Variants in NKAIN3 observed in about 807,000 individuals in gnomAD.
NKAIN3 encodes sodium/potassium transporting ATPase interacting 3, also known as sodium/potassium-transporting ATPase subunit beta-1-interacting protein 3.
In NKAIN3, 25 loss-of-function variants were observed where a neutral mutation model predicts 30.2. That is an observed-to-expected ratio of 0.83 (90% confidence interval 0.60 to 1.16). The LOEUF is 1.16. Among genes scored for constraint, NKAIN3 ranks in the 50% most tolerant of loss-of-function variants. The pLI, the probability that NKAIN3 is intolerant of heterozygous loss-of-function variation, is 0.00. For synonymous variants in NKAIN3, 91 were observed against 89.6 expected (o/e 1.02, Z -0.09); for missense variants, 225 against 254.1 (o/e 0.89, Z 0.78).
intron 4 of NKAIN3, among the ~76,000 whole-genome samples, chr8:62,774,885 C>T (rs1298004783): frequency 6.6e-6 from 1 of 151,984 alleles, no homozygotes; most frequent in Non-Finnish European, 1.5e-5. Context: ...ATGTTTTTGC[C>T]TGGTTTTAGT....
chr8:62,904,860 C>T (rs968087578), intron 4 of NKAIN3, among the ~76,000 whole-genome samples: 1 of 152,120 alleles, frequency 6.6e-6, no homozygotes, highest in Non-Finnish European at 1.5e-5. Context: ...GTATAATCAC[C>T]ATGCGAAATG....
At chr8:62,547,581 C>CA (rs1809058838) in intron 1 of NKAIN3, among the ~76,000 whole-genome samples, 1 of 152,108 alleles carries the variant, frequency 6.6e-6, no homozygotes, top group Non-Finnish European at 1.5e-5. Flanking sequence ...CAAAAAGTGC[C>CA]ATTGTTTGAG....
chr8:62,405,191 CT>C (rs374768846), intron 1 of NKAIN3, among the ~76,000 whole-genome samples: 194 of 152,172 alleles, frequency 1.3e-3, no homozygotes, highest in African/African-American at 4.6e-3. Flanking sequence ...GAAAGAGCCT[CT>C]CCTGGAGCTG....
At chr8:62,289,330 TG>T (rs1813497291) in intron 1 of NKAIN3, among the ~76,000 whole-genome samples, 1 of 152,214 alleles carries the variant, frequency 6.6e-6, no homozygotes, top group Non-Finnish European at 1.5e-5. Context: ...GCCTATGTCC[TG>T]AATGGTATTG....
intron 3 of NKAIN3, among the ~76,000 whole-genome samples, chr8:62,737,560 G>T (rs926160312): frequency 6.6e-6 from 1 of 152,042 alleles, no homozygotes; most frequent in South Asian, 2.1e-4. Flanking sequence ...CACTGGTAAA[G>T]CCATATTTTA....
chr8:62,875,549 G>A lies in NKAIN3; in HGVS notation c.472-42904G>A, dbSNP rs150620188. 5.9e-3 allele frequency among the ~76,000 whole-genome samples: 894 copies of A among 152,294 alleles called. 6 individuals carry two copies. The highest frequency in any genetic ancestry group is 0.02 in the African/African-American group (847 of 41,548). ...TTCAGCAAAAAGAACAAAGCTTGAG[G>A]CATCACGCTACCTGACTTCAAACTA... On this transcript the variant is annotated intron_variant, in intron 4 of 6. Transcript: ENST00000623646.
intron 4 of NKAIN3, among the ~76,000 whole-genome samples, chr8:62,752,223 G>T (rs1437800187): frequency 6.6e-6 from 1 of 152,140 alleles, no homozygotes; most frequent in Admixed American, 6.5e-5. Flanking sequence ...AATGTTCTGT[G>T]CAGGGCATAG....
At chr8:62,785,010 C>T (rs1354067904) in intron 4 of NKAIN3, among the ~76,000 whole-genome samples, 2 of 152,094 alleles carry the variant, frequency 1.3e-5, no homozygotes, top group Non-Finnish European at 2.9e-5. Flanking sequence ...ACTGCTGGTT[C>T]GAAATGTAGG....
At chr8:62,675,288 TG>T (rs2130398799) in intron 3 of NKAIN3, among the ~76,000 whole-genome samples, 1 of 152,342 alleles carries the variant, frequency 6.6e-6, no homozygotes, top group East Asian at 1.9e-4. Context: ...CAAATATCAC[TG>T]ATTTATGCTC....
intron 3 of NKAIN3, among the ~76,000 whole-genome samples, chr8:62,666,597 T>G (rs1418905697): frequency 6.6e-6 from 1 of 152,202 alleles, no homozygotes; most frequent in Non-Finnish European, 1.5e-5. Context: ...AATTTCTCAT[T>G]TTAATTTTTG....
intron 4 of NKAIN3, among the ~76,000 whole-genome samples, chr8:62,763,111 C>T (rs1046719912): frequency 2.6e-5 from 4 of 151,320 alleles, no homozygotes; most frequent in Non-Finnish European, 5.9e-5. Context: ...GTCCCAGCTA[C>T]TCAGGAGGCT....
At chr8:62,762,175 G>C (rs1317705086) in intron 4 of NKAIN3, among the ~76,000 whole-genome samples, 1 of 152,004 alleles carries the variant, frequency 6.6e-6, no homozygotes, top group Non-Finnish European at 1.5e-5. Context: ...AATTAGCCAG[G>C]CATGGTGGTG....
At chr8:62,523,008 A>G (rs1397950843) in intron 1 of NKAIN3, among the ~76,000 whole-genome samples, 1 of 152,116 alleles carries the variant, frequency 6.6e-6, no homozygotes, top group Non-Finnish European at 1.5e-5. Flanking sequence ...CTAGGCCTTC[A>G]CATTCACTCA....
intron 1 of NKAIN3, among the ~76,000 whole-genome samples, chr8:62,361,028 A>C (rs1414335761): frequency 2.6e-5 from 3 of 117,160 alleles, no homozygotes; most frequent in African/African-American, 9.3e-5. Flanking sequence ...AAAAAAAAAA[A>C]AAATGGCAGA....
intron 4 of NKAIN3, among the ~76,000 whole-genome samples, chr8:62,828,939 G>A (rs984118230): frequency 5.9e-5 from 9 of 152,138 alleles, no homozygotes; most frequent in African/African-American, 1.9e-4. Context: ...AACCACCCCT[G>A]CTGACGCTGC....
chr8:62,855,148 T>C (rs567477365), intron 4 of NKAIN3: 1 of 235,722 alleles, frequency 4.2e-6, no homozygotes, highest in African/African-American at 2.3e-5. Context: ...GACTACACCT[T>C]CACCGTGGCA....
At chr8:62,480,532 TAAAA>T (rs59515372) in intron 1 of NKAIN3, among the ~76,000 whole-genome samples, 54 of 137,470 alleles carry the variant, frequency 3.9e-4, no homozygotes, top group African/African-American at 5.4e-4. Flanking sequence ...ATGTTTGGAT[TAAAA>T]AAAAAAAAAA....
At chr8:62,550,273 C>T (rs553248872) in intron 1 of NKAIN3, among the ~76,000 whole-genome samples, 1 of 152,156 alleles carries the variant, frequency 6.6e-6, no homozygotes, top group East Asian at 1.9e-4. Context: ...GCTTTAATTC[C>T]ATCTTCTTTG....
intron 5 of NKAIN3, among the ~76,000 whole-genome samples, chr8:62,928,707 A>T (rs1306033761): frequency 6.6e-6 from 1 of 152,200 alleles, no homozygotes; most frequent in African/African-American, 2.4e-5. Context: ...CCTGCTGGAC[A>T]TAGACCAGCA....
Sources: gnomAD v4.1 joint callset for allele counts (sites outside exome capture counted in the v4.1 genomes callset) on GRCh38, gnomAD v4.1.1 for gene constraint, MANE v1.5 for transcripts, NCBI Gene and HGNC (gene_info 2026-07-23, HGNC 2026-07-21) for gene names.